The following MGAT5 variants were observed in gnomAD, a reference collection of about 807,000 sequenced individuals.
MGAT5 encodes alpha-1,6-mannosylglycoprotein 6-beta-N-acetylglucosaminyltransferase A.
In MGAT5, 30 loss-of-function variants were observed where a neutral mutation model predicts 94.3. The ratio of observed to expected loss-of-function variants is 0.32; its 90% confidence interval spans 0.24 to 0.43. The LOEUF (loss-of-function observed/expected upper bound fraction) is 0.43. MGAT5 is among the 20% of genes least tolerant of loss of function. The probability of loss-of-function intolerance (pLI) is 1.00; values close to 1 mark genes in which losing one functional copy is unlikely to be tolerated. For synonymous variants in MGAT5, 310 were observed against 322.9 expected, an observed-to-expected ratio of 0.96 and a Z score of 0.43; for missense variants, 691 against 905.5, an observed-to-expected ratio of 0.76 and a Z score of 3.04.
At chr2:134,177,124 C>A (rs944848264) in intron 1 of MGAT5, among the ~76,000 whole-genome samples, 2 of 43,134 alleles carry the variant, frequency 4.6e-5, no homozygotes, top group Admixed American at 4.3e-4. Context: ...GTGATAGGGA[C>A]CTCCTGTAAC....
chr2:134,402,850 G>C (rs1683131217), intron 10 of MGAT5, 138 bp from the exon 11 acceptor site: 2 of 797,664 alleles, frequency 2.5e-6, no homozygotes, highest in South Asian at 5.5e-5. Flanking sequence ...TTAGCAGTTT[G>C]ATTGCCAAAT....
At chr2:134,176,363 G>A (rs1347937774) in intron 1 of MGAT5, among the ~76,000 whole-genome samples, 1 of 152,054 alleles carries the variant, frequency 6.6e-6, no homozygotes, top group African/African-American at 2.4e-5. Context: ...TGCGAGGTCA[G>A]GAGTTCGAGA....
At chr2:134,196,386 T>C (rs994951355) in intron 1 of MGAT5, among the ~76,000 whole-genome samples, 4 of 147,940 alleles carry the variant, frequency 2.7e-5, no homozygotes, top group Non-Finnish European at 5.9e-5. Context: ...GGCCTTTTCT[T>C]TCAGATCTTA....
chr2:134,336,464 G>A (rs1688338937), intron 5 of MGAT5, among the ~76,000 whole-genome samples, 176 bp downstream of exon 5: 1 of 152,064 alleles, frequency 6.6e-6, no homozygotes, highest in Non-Finnish European at 1.5e-5. Context: ...ATTAGCATAG[G>A]TTTGTTTACT....
intron 1 of MGAT5, among the ~76,000 whole-genome samples, chr2:134,183,256 A>G (rs1688839630): frequency 6.6e-6 from 1 of 152,250 alleles, no homozygotes; most frequent in East Asian, 1.9e-4. Flanking sequence ...TCTTCAAGGT[A>G]GTAAAATTAA....
At chr2:134,273,705 G>A (rs953160872) in intron 2 of MGAT5, among the ~76,000 whole-genome samples, 1 of 151,492 alleles carries the variant, frequency 6.6e-6, no homozygotes, top group Non-Finnish European at 1.5e-5. Flanking sequence ...ATCCAGTATG[G>A]CTTATCTTCA....
At chr2:134,250,360 G>A (rs1332124054), upstream of MGAT5, among the ~76,000 whole-genome samples, 5 of 152,188 alleles carry the variant, frequency 3.3e-5, no homozygotes, top group East Asian at 9.6e-4. Flanking sequence ...GGACACAGCC[G>A]TTAGAAGGTC....
intron 1 of MGAT5, among the ~76,000 whole-genome samples, chr2:134,208,308 T>A (rs1680119250): frequency 6.6e-6 from 1 of 152,238 alleles, no homozygotes. Context: ...ATATAGCAGC[T>A]TATGAATTTG....
At chr2:134,398,347 G>C (rs1460859009) in intron 10 of MGAT5, among the ~76,000 whole-genome samples, 1 of 152,204 alleles carries the variant, frequency 6.6e-6, no homozygotes, top group Non-Finnish European at 1.5e-5. Flanking sequence ...TGTCACCCTG[G>C]AGAGGGATTG....
intron 1 of MGAT5, among the ~76,000 whole-genome samples, chr2:134,170,280 A>G (rs893653014): frequency 1.3e-5 from 2 of 152,186 alleles, no homozygotes; most frequent in Non-Finnish European, 2.9e-5. Flanking sequence ...CCATTTTCAA[A>G]ACCCATTCCT....
chr2:134,273,926 C>A (rs1348735471), intron 2 of MGAT5, among the ~76,000 whole-genome samples: 6 of 152,170 alleles, frequency 3.9e-5, no homozygotes, highest in Non-Finnish European at 7.4e-5. Flanking sequence ...AAATTAATTT[C>A]TCCATATTCA....
chr2:134,304,377 GGTA>G, intron 2 of MGAT5, among the ~76,000 whole-genome samples: 1 of 152,216 alleles, frequency 6.6e-6, no homozygotes, highest in South Asian at 2.1e-4. Flanking sequence ...TGGGTTTTCA[GGTA>G]GTAATCCCAC....
intron 2 of MGAT5, among the ~76,000 whole-genome samples, chr2:134,280,878 T>TTC (rs561334599): frequency 6.6e-5 from 10 of 152,144 alleles, no homozygotes; most frequent in Non-Finnish European, 1.3e-4. Context: ...CCAACTCAGG[T>TTC]TTTCACTCCT....
At chr2:134,295,748 T>C (rs909879582) in intron 2 of MGAT5, among the ~76,000 whole-genome samples, 1 of 152,146 alleles carries the variant, frequency 6.6e-6, no homozygotes, top group African/African-American at 2.4e-5. Context: ...CAGGAATGGT[T>C]TTGGGAAGCT....
intron 1 of MGAT5, among the ~76,000 whole-genome samples, chr2:134,147,726 G>C (rs755471574): frequency 6.6e-6 from 1 of 152,114 alleles, no homozygotes; most frequent in Non-Finnish European, 1.5e-5. Context: ...TAGAATCAGC[G>C]TTGGGATGAG....
intron 7 of MGAT5, among the ~76,000 whole-genome samples, chr2:134,342,967 G>A (rs980010322): frequency 3.3e-5 from 5 of 152,188 alleles, no homozygotes; most frequent in African/African-American, 1.2e-4. Flanking sequence ...TGTAAGCACT[G>A]GGATTGCAGA....
At chr2:134,132,093 T>C (rs571953521) in intron 1 of MGAT5, among the ~76,000 whole-genome samples, 1 of 152,382 alleles carries the variant, frequency 6.6e-6, no homozygotes, top group Admixed American at 6.5e-5. Flanking sequence ...GGTTAACTGA[T>C]GCACAGCTCG....
At chr2:134,305,193 G>A (rs1038948404) in intron 2 of MGAT5, among the ~76,000 whole-genome samples, 5 of 152,094 alleles carry the variant, frequency 3.3e-5, no homozygotes, top group African/African-American at 1.2e-4. Context: ...AAAAAGTAAG[G>A]TAAGAGACCA....
At chr2:134,234,804 C>T (rs1429374669) in intron 1 of MGAT5, among the ~76,000 whole-genome samples, 1 of 152,170 alleles carries the variant, frequency 6.6e-6, no homozygotes, top group Non-Finnish European at 1.5e-5. Flanking sequence ...AATAGTTGAG[C>T]AATTAGGATA....
Sources: allele counts gnomAD v4.1 joint callset (sites outside exome capture counted in the v4.1 genomes callset), GRCh38; gene constraint gnomAD v4.1.1; transcripts MANE v1.5; gene names NCBI Gene and HGNC (gene_info 2026-07-23, HGNC 2026-07-21).